Variants in PRKG1 observed in about 807,000 individuals in gnomAD.
PRKG1 encodes cGMP-dependent protein kinase 1.
A neutral mutation model predicts 88.1 loss-of-function variants in PRKG1; 35 were observed. The observed-to-expected ratio is 0.40, with a 90% CI of 0.30 to 0.53. The LOEUF is 0.53. Among genes scored for constraint, PRKG1 ranks in the 20% least tolerant of loss-of-function variants. PRKG1 has a pLI of 0.59. For missense variants in PRKG1, 540 were observed against 839.8 expected (o/e 0.64, Z 4.41); for synonymous variants, 303 against 292.5 (o/e 1.04, Z -0.37).
chr10:52,203,580 T>A (rs893138973), intron 9 of PRKG1, among the ~76,000 whole-genome samples: 6 of 152,192 alleles, frequency 3.9e-5, no homozygotes, highest in African/African-American at 1.4e-4. Context: ...CTTTGTTAGT[T>A]TTCTGCCTCA....
chr10:51,813,867 C>T (rs1322849053), intron 4 of PRKG1, among the ~76,000 whole-genome samples: 4 of 152,096 alleles, frequency 2.6e-5, no homozygotes, highest in African/African-American at 9.7e-5. Context: ...CCTCTCACCC[C>T]TCTAGAATAT....
chr10:52,100,311 G>A (rs1451072377), intron 7 of PRKG1, among the ~76,000 whole-genome samples: 1 of 152,208 alleles, frequency 6.6e-6, no homozygotes, highest in African/African-American at 2.4e-5. Flanking sequence ...AAAATCAGCA[G>A]CAGTGTTTGA....
chr10:52,125,708 A>G (rs1027559087), intron 7 of PRKG1: 1 of 152,180 alleles, frequency 6.6e-6, no homozygotes, highest in Non-Finnish European at 1.5e-5. Flanking sequence ...ACACAAATGT[A>G]TTTTTCCTTC....
At chr10:52,163,026 T>A (rs1447173227) in intron 9 of PRKG1, among the ~76,000 whole-genome samples, 1 of 152,126 alleles carries the variant, frequency 6.6e-6, no homozygotes, top group East Asian at 1.9e-4. Flanking sequence ...TGTACATTGA[T>A]ATTCAGTTTA....
At chr10:52,169,947 T>G (rs1202747705) in intron 9 of PRKG1, among the ~76,000 whole-genome samples, 1 of 151,966 alleles carries the variant, frequency 6.6e-6, no homozygotes, top group Non-Finnish European at 1.5e-5. Flanking sequence ...AGGTTAAGAG[T>G]GAGACCATCT....
chr10:51,858,971 CA>C (rs1204971151), intron 4 of PRKG1, among the ~76,000 whole-genome samples: 1 of 152,074 alleles, frequency 6.6e-6, no homozygotes, highest in East Asian at 1.9e-4. Context: ...GAGCTGATAT[CA>C]ATGGGTATCT....
intron 2 of PRKG1, among the ~76,000 whole-genome samples, chr10:51,467,269 T>C (rs10997653): frequency 0.45 from 67,970 of 151,748 alleles, 15,831 homozygotes; most frequent in African/African-American, 0.52. Context: ...AAAGATACCA[T>C]GAGCAGAATT....
rs371389083 is a variant in PRKG1 at position 51,704,227 on chromosome 10, T to TGATA, written c.593-100351_593-100348dup. On this transcript the variant is annotated intron_variant, in intron 3 of 17. Transcript: ENST00000373980. ...CAATTATAGTATAGTAGCTGATAGA[T>TGATA]GATAGATAGACAGACAGACAGACAG... is the stretch of plus-strand genomic sequence containing the variant. Among the ~76,000 whole-genome samples the TGATA allele has an allele frequency of 4.8e-3, 682 of 143,420 alleles. 4 individuals carry two copies. The highest frequency in any genetic ancestry group is 0.017 in the Middle Eastern group (5 of 286). The allele number at this position is 143,420 out of a possible 152,430, so 94.1% of individuals were successfully genotyped here. A position where few individuals can be genotyped will look rare whatever the true frequency, so the allele number is the denominator to read the frequency against.
At chr10:52,020,678 C>A (rs974813794) in intron 5 of PRKG1, among the ~76,000 whole-genome samples, 4 of 152,140 alleles carry the variant, frequency 2.6e-5, no homozygotes, top group Middle Eastern at 3.4e-3. Context: ...CCCACCTGTG[C>A]AATGCCCTCT....
At chr10:51,746,714 C>A (rs1837588695) in intron 3 of PRKG1, among the ~76,000 whole-genome samples, 1 of 149,368 alleles carries the variant, frequency 6.7e-6, no homozygotes, top group Non-Finnish European at 1.5e-5. Flanking sequence ...CAGAGTAAGA[C>A]CCTGTCTCAA....
At chr10:52,220,561 C>T (rs1038891781) in intron 9 of PRKG1, among the ~76,000 whole-genome samples, 1 of 152,028 alleles carries the variant, frequency 6.6e-6, no homozygotes, top group Non-Finnish European at 1.5e-5. Flanking sequence ...GATTCTCTCC[C>T]TCTCCCTACC....
chr10:51,868,480 T>C (rs1000247070), intron 4 of PRKG1, among the ~76,000 whole-genome samples: 2 of 152,188 alleles, frequency 1.3e-5, no homozygotes, highest in African/African-American at 4.8e-5. Flanking sequence ...TAAATATTAC[T>C]ATTTTCTTAA....
intron 3 of PRKG1, among the ~76,000 whole-genome samples, chr10:51,693,305 A>AT (rs1481071108): frequency 6.6e-6 from 1 of 151,098 alleles, no homozygotes; most frequent in African/African-American, 2.5e-5. Flanking sequence ...AAAAAAAAAA[A>AT]AGCTGTTATT....
At chr10:52,128,198 A>G (rs1200868963) in intron 7 of PRKG1, 3 of 985,304 alleles carry the variant, frequency 3.0e-6, no homozygotes, top group East Asian at 1.1e-4. Flanking sequence ...CTCATAAGCA[A>G]CTGGAGTAGT....
intron 2 of PRKG1, among the ~76,000 whole-genome samples, chr10:51,345,969 C>G (rs1399015606): frequency 1.3e-5 from 2 of 152,140 alleles, no homozygotes; most frequent in African/African-American, 4.8e-5. Flanking sequence ...ATTATTGGTA[C>G]AATTTCAAGG....
At chr10:51,674,212 C>T (rs2132354453) in intron 3 of PRKG1, among the ~76,000 whole-genome samples, 1 of 152,038 alleles carries the variant, frequency 6.6e-6, no homozygotes, top group South Asian at 2.1e-4. Context: ...GGTACATGTG[C>T]AGAATGTGCA....
intron 3 of PRKG1, among the ~76,000 whole-genome samples, chr10:51,787,883 T>A (rs957338759): frequency 6.6e-6 from 1 of 152,120 alleles, no homozygotes; most frequent in Non-Finnish European, 1.5e-5. Context: ...GAGGCAGGCA[T>A]GAGGAGATGA....
chr10:51,216,640 T>A (rs1386068416), intron 2 of PRKG1, among the ~76,000 whole-genome samples: 1 of 152,306 alleles, frequency 6.6e-6, no homozygotes, highest in African/African-American at 2.4e-5. Context: ...TCATCATCAT[T>A]TTCAAGATTA....
At chr10:51,769,419 TC>T (rs1444739179) in intron 3 of PRKG1, among the ~76,000 whole-genome samples, 1 of 152,224 alleles carries the variant, frequency 6.6e-6, no homozygotes, top group East Asian at 1.9e-4. Context: ...TTATACTTTT[TC>T]TTTAAATCAT....
Sources: gnomAD v4.1 joint callset for allele counts (sites outside exome capture counted in the v4.1 genomes callset) on GRCh38, gnomAD v4.1.1 for gene constraint, MANE v1.5 for transcripts, NCBI Gene and HGNC (gene_info 2026-07-23, HGNC 2026-07-21) for gene names.